The following GPATCH8 variants were observed in gnomAD, a reference collection of about 807,000 sequenced individuals.
GPATCH8 encodes G patch domain-containing protein 8.
GPATCH8 carries 18 observed loss-of-function variants against 118.3 expected under a neutral mutation model. That is an observed-to-expected ratio of 0.15 (90% CI 0.11 to 0.23). The LOEUF is 0.23. Among genes scored for constraint, GPATCH8 ranks in the 10% least tolerant of loss-of-function variants. GPATCH8 has a pLI of 1.00. For missense variants in GPATCH8, 1,631 were observed against 1,873.8 expected (o/e 0.87, Z 2.39); for synonymous variants, 659 against 684.7 (o/e 0.96, Z 0.59).
In GPATCH8 at chr17:44,397,541, G is replaced by T; in HGVS notation, c.*27C>A. 1 of 1,509,396 alleles carries T rather than the reference G, an allele frequency of 6.6e-7. No homozygotes were observed. 93.5% of individuals were successfully genotyped at this position (1,509,396 alleles called of 1,614,324 possible). On this transcript the variant is annotated 3_prime_UTR_variant, in exon 8 of 8. Transcript: ENST00000591680. ...GAACATTTATGGGTCTCCTCCCCTG[G>T]CCCTACCTAGGATCCCATCCCCCAA...
rs553450562 is a variant in GPATCH8, at chr17:44,503,320, G to A, written c.45+6C>T. On this transcript the variant is annotated splice_donor_region_variant and intron_variant, in intron 1 of 7. Transcript: ENST00000591680. The stretch of plus-strand genomic sequence containing the variant: ...TCCCCGCATCCTCGGCGACGCCCGT[G>A]TTTACCTGAAAGTCTCGGTCTTCGT... 2.4e-5 allele frequency: 38 copies of A among 1,609,626 alleles called. 1 individual carries two copies. Among genetic ancestry groups the A allele is most frequent in the South Asian group, 1.0e-4 (9 of 89,882 alleles).
chr17:44,501,504 A>C (rs1195906375), intron 1 of GPATCH8, among the ~76,000 whole-genome samples: 1 of 152,174 alleles, frequency 6.6e-6, no homozygotes, highest in Non-Finnish European at 1.5e-5. Flanking sequence ...TATACGTATC[A>C]TCTTCAAAGG....
chr17:44,468,308 T>C (rs1966969488), intron 2 of GPATCH8, among the ~76,000 whole-genome samples: 2 of 151,200 alleles, frequency 1.3e-5, no homozygotes, highest in African/African-American at 2.4e-5. Context: ...TTGGCACAAG[T>C]AGCTTACGGC....
intron 5 of GPATCH8, among the ~76,000 whole-genome samples, chr17:44,432,966 A>C (rs1272522113): frequency 6.6e-6 from 1 of 152,030 alleles, no homozygotes; most frequent in Admixed American, 6.6e-5. Flanking sequence ...AGCTTCTCTA[A>C]GTAGCTGGGA....
intron 7 of GPATCH8, among the ~76,000 whole-genome samples, chr17:44,404,363 G>A (rs1313730868): frequency 6.6e-6 from 1 of 151,356 alleles, no homozygotes; most frequent in African/African-American, 2.4e-5. Flanking sequence ...GGCTGGTCTT[G>A]AGCTCCTGGG....
intron 3 of GPATCH8, among the ~76,000 whole-genome samples, chr17:44,444,691 T>C (rs2050813411): frequency 6.6e-6 from 1 of 152,132 alleles, no homozygotes; most frequent in Non-Finnish European, 1.5e-5. Context: ...GAGAATCACT[T>C]GAAACTGGGA....
chr17:44,442,649 G>C (rs984284289), intron 3 of GPATCH8, among the ~76,000 whole-genome samples: 4 of 152,198 alleles, frequency 2.6e-5, no homozygotes, highest in African/African-American at 9.6e-5. Flanking sequence ...ATTTTTAGTA[G>C]AGATGGGGTT....
At chr17:44,423,807 C>T (rs879470997) in intron 6 of GPATCH8, among the ~76,000 whole-genome samples, 1 of 152,168 alleles carries the variant, frequency 6.6e-6, no homozygotes, top group Non-Finnish European at 1.5e-5. Flanking sequence ...ATTCATTTAT[C>T]AGCTCTTCAA....
chr17:44,454,988 A>G (rs2051271283), intron 3 of GPATCH8, among the ~76,000 whole-genome samples: 1 of 152,202 alleles, frequency 6.6e-6, no homozygotes, highest in African/African-American at 2.4e-5. Flanking sequence ...GCTTCTTCAA[A>G]TACACCAGCT....
chr17:44,402,044 G>A (rs563766862), intron 7 of GPATCH8, among the ~76,000 whole-genome samples: 21 of 150,742 alleles, frequency 1.4e-4, no homozygotes, highest in South Asian at 1.3e-3. Context: ...AGTACAGGCC[G>A]GGCGCAGTGG....
At chr17:44,474,603 C>T (rs1967578750) in intron 2 of GPATCH8, 1 of 624,172 alleles carries the variant, frequency 1.6e-6, no homozygotes, top group Non-Finnish European at 2.9e-6. Context: ...AGATATTTTT[C>T]CATTGAAATT....
At chr17:44,408,189 C>T (rs961306287) in intron 6 of GPATCH8, among the ~76,000 whole-genome samples, 2 of 151,128 alleles carry the variant, frequency 1.3e-5, no homozygotes, top group Non-Finnish European at 3.0e-5. Context: ...CTGCCATTTT[C>T]TCTTTTTTTT....
intron 2 of GPATCH8, among the ~76,000 whole-genome samples, chr17:44,466,886 A>C (rs1412469668): frequency 6.6e-6 from 1 of 152,022 alleles, no homozygotes; most frequent in African/African-American, 2.4e-5. Context: ...GGCATTAAAC[A>C]ATGCTGACAA....
At chr17:44,460,691 G>A (rs1273028710) in intron 3 of GPATCH8, among the ~76,000 whole-genome samples, 2 of 152,312 alleles carry the variant, frequency 1.3e-5, no homozygotes, top group South Asian at 2.1e-4. Flanking sequence ...AAATCAAAAG[G>A]AAAGTTGACA....
intron 6 of GPATCH8, among the ~76,000 whole-genome samples, chr17:44,420,105 C>A (rs1041647918): frequency 6.6e-6 from 1 of 151,240 alleles, no homozygotes; most frequent in African/African-American, 2.4e-5. Context: ...TGCATTCATT[C>A]ATCATACCAG....
chr17:44,430,439 G>A (rs1213941561), intron 5 of GPATCH8, among the ~76,000 whole-genome samples: 1 of 152,040 alleles, frequency 6.6e-6, no homozygotes, highest in Non-Finnish European at 1.5e-5. Context: ...AACCCACAAG[G>A]TTATCTCAGT....
rs759313508 is a variant in GPATCH8 at position 44,401,254 on chromosome 17, C to G, written c.823G>C (p.Ala275Pro). 7.4e-6 allele frequency: 12 copies of G among 1,613,962 alleles called. No homozygotes were observed. The highest frequency in any genetic ancestry group is 1.0e-5 in the Non-Finnish European group (12 of 1,179,848). ...ATGCCTTGGGAGGCTAACCCAGGAG[C>G]CTGGGCCAGTCCAGTGGTATTAGTG... Reference protein sequence around the residue: ...QITNTTGLAQAPGLASQGISF... With the variant: ...QITNTTGLAQPPGLASQGISF... Residue 275 changes from alanine to proline, a missense_variant, in exon 8 of 8, where the codon GCT (alanine) becomes CCT (proline). By Grantham distance (27) the Ala-to-Pro change is conservative (BLOSUM62 -1). Around this residue, in one of 8 missense-constraint regions of GPATCH8, gnomAD observed 405 missense variants for 462.7 expected, o/e 0.88. Coordinates refer to ENST00000591680, the MANE Select transcript of GPATCH8 (RefSeq NM_001002909.4).
rs191435355 is a variant in GPATCH8, at chr17:44,498,846, T to C, written c.45+4480A>G. On this transcript the variant is annotated intron_variant, in intron 1 of 7. Coordinates refer to ENST00000591680, the MANE Select transcript of GPATCH8 (RefSeq NM_001002909.4). ...ACCTGAATTACAATGCCAACTATAT[T>C]ACATACAGAAAATACACTAATATGC... Among the ~76,000 whole-genome samples, 374 of 152,328 alleles carry C rather than the reference T, an allele frequency of 2.5e-3. 2 individuals carry two copies. The highest frequency in any genetic ancestry group is 6.8e-3 in the Middle Eastern group (2 of 292).
At chr17:44,416,247 G>A (rs57128348) in intron 6 of GPATCH8, among the ~76,000 whole-genome samples, 4 of 152,194 alleles carry the variant, frequency 2.6e-5, no homozygotes, top group South Asian at 2.1e-4. Context: ...CTCACCTCAC[G>A]TGATCCATCC....
Sources: allele counts gnomAD v4.1 joint callset (sites outside exome capture counted in the v4.1 genomes callset), GRCh38; gene constraint gnomAD v4.1.1; regional missense constraint gnomAD v4.1.1; transcripts MANE v1.5; gene names NCBI Gene and HGNC (gene_info 2026-07-23, HGNC 2026-07-21).